The following DIP2C variants were observed in gnomAD, a reference collection of about 807,000 sequenced individuals.
DIP2C encodes disco-interacting protein 2 homolog C.
A neutral mutation model predicts 192.4 loss-of-function variants in DIP2C; 33 were observed. The ratio of observed to expected loss-of-function variants is 0.17; its 90% CI spans 0.13 to 0.23. The LOEUF is 0.23. Ranked by LOEUF, DIP2C falls within the 10% of genes least tolerant of loss-of-function variation. DIP2C has a pLI of 1.00. For missense variants in DIP2C, 1,537 were observed against 2,110.1 expected (o/e 0.73, Z 5.32); for synonymous variants, 979 against 864.1 (o/e 1.13, Z -2.33).
intron 10 of DIP2C, among the ~76,000 whole-genome samples, chr10:393,975 G>A (rs1179233140): frequency 1.3e-5 from 2 of 152,192 alleles, no homozygotes; most frequent in Non-Finnish European, 2.9e-5. Flanking sequence ...ATGCAAATTA[G>A]CACAGCCATT....
chr10:552,251 A>C (rs1015453602), intron 1 of DIP2C, among the ~76,000 whole-genome samples: 2 of 152,212 alleles, frequency 1.3e-5, no homozygotes, highest in African/African-American at 4.8e-5. Context: ...GTAGCAAGAC[A>C]TTTTCTATAA....
intron 1 of DIP2C, among the ~76,000 whole-genome samples, chr10:576,985 T>C (rs1482039795): frequency 6.6e-6 from 1 of 152,198 alleles, no homozygotes; most frequent in Non-Finnish European, 1.5e-5. Context: ...TTACTTAAAA[T>C]ATAAAATTCA....
chr10:495,503 A>C (rs1235403941), intron 1 of DIP2C, among the ~76,000 whole-genome samples: 1 of 151,862 alleles, frequency 6.6e-6, no homozygotes, highest in Non-Finnish European at 1.5e-5. Context: ...CTCCCTAAAA[A>C]CTATAGGTTT....
Position 417,884 on chromosome 10 carries a change from G to A in DIP2C, c.739+1181C>T, listed in dbSNP as rs868651946. Among the ~76,000 whole-genome samples the A allele has an allele frequency of 6.1e-4, 50 of 82,438 alleles. 3 individuals carry two copies. The highest frequency in any genetic ancestry group is 7.5e-3 in the Middle Eastern group (1 of 134). The allele number at this position is 82,438 out of a possible 152,430, so 54.1% of individuals were successfully genotyped here. On this transcript the variant is annotated intron_variant, in intron 6 of 36. Coordinates refer to ENST00000280886, the MANE Select transcript of DIP2C (RefSeq NM_014974.3). ...CTCGGACAGGCCTCCCTGTCCACCT[G>A]CACCTGTCAGGGCTCGGATAGGCCT...
chr10:290,771 A>G (rs549267895), intron 32 of DIP2C, among the ~76,000 whole-genome samples: 1 of 152,248 alleles, frequency 6.6e-6, no homozygotes, highest in Non-Finnish European at 1.5e-5. Context: ...CCAGGTGACC[A>G]GCCAAGGAGT....
At chr10:280,092 T>A (rs1954733522) in intron 36 of DIP2C, among the ~76,000 whole-genome samples, 1 of 152,008 alleles carries the variant, frequency 6.6e-6, no homozygotes, top group Admixed American at 6.6e-5. Context: ...AGGAGAGAAG[T>A]GTCAAGGAAA....
At chr10:520,139 G>A (rs1846603376) in intron 1 of DIP2C, among the ~76,000 whole-genome samples, 1 of 152,224 alleles carries the variant, frequency 6.6e-6, no homozygotes, top group Non-Finnish European at 1.5e-5. Flanking sequence ...AGAAGGTCGT[G>A]TGAAGTCTCA....
chr10:364,849 A>G (rs1227535909), intron 19 of DIP2C: 10 of 639,384 alleles, frequency 1.6e-5, no homozygotes, highest in African/African-American at 5.5e-5. Flanking sequence ...CCCTGAACAG[A>G]TAACACCCAG....
At chr10:534,074 G>T (rs768423219) in intron 1 of DIP2C, among the ~76,000 whole-genome samples, 12 of 151,814 alleles carry the variant, frequency 7.9e-5, no homozygotes, top group Non-Finnish European at 1.8e-4. Context: ...CAGTGACGAT[G>T]GTCAACTGGG....
At chr10:500,083 C>T (rs1027018590) in intron 1 of DIP2C, among the ~76,000 whole-genome samples, 11 of 152,206 alleles carry the variant, frequency 7.2e-5, no homozygotes, top group Non-Finnish European at 8.8e-5. Flanking sequence ...CCTCAGCAAG[C>T]GCAGACTCCT....
chr10:663,037 T>C lies in DIP2C; in HGVS notation c.85+26457A>G. 3 of 663,164 alleles carry C rather than the reference T, an allele frequency of 4.5e-6. 1 individual carries two copies. The South Asian group carries it at 5.3e-5, about 12-fold the overall frequency. 41.1% of individuals were successfully genotyped at this position (663,164 alleles called of 1,614,324 possible). Reference sequence around the variant, plus strand: ...TGTCCAGGAAAGACTCTAAACACTCTGGACCCTGCTGGGGCAGATGGTGAC... The same window carrying C: ...TGTCCAGGAAAGACTCTAAACACTCCGGACCCTGCTGGGGCAGATGGTGAC... On this transcript the variant is annotated intron_variant, in intron 1 of 36. Transcript: ENST00000280886.
At chr10:574,137 CCAGT>C (rs1237954046) in intron 1 of DIP2C, among the ~76,000 whole-genome samples, 5 of 152,326 alleles carry the variant, frequency 3.3e-5, no homozygotes, top group South Asian at 2.1e-4. Flanking sequence ...GACTACACGG[CCAGT>C]AAGTTTAAAG....
At chr10:293,624 T>A (rs1270476994) in intron 32 of DIP2C, among the ~76,000 whole-genome samples, 2 of 152,210 alleles carry the variant, frequency 1.3e-5, no homozygotes, top group Admixed American at 6.5e-5. Flanking sequence ...GCAGCTAAGG[T>A]ACACAGAGGA....
chr10:279,521 G>T (rs544982959), intron 36 of DIP2C, among the ~76,000 whole-genome samples: 1 of 152,326 alleles, frequency 6.6e-6, no homozygotes, highest in African/African-American at 2.4e-5. Context: ...TTAATGCTGA[G>T]AACAACTGAT....
chr10:557,761 A>C (rs1168871258), intron 1 of DIP2C, among the ~76,000 whole-genome samples: 3 of 34,434 alleles, frequency 8.7e-5, no homozygotes, highest in Non-Finnish European at 9.6e-5. Context: ...GGGAAGGGGG[A>C]GGGGGAGGAT....
intron 1 of DIP2C, among the ~76,000 whole-genome samples, chr10:531,737 G>A (rs12261940): frequency 0.25 from 37,391 of 151,872 alleles, 6,273 homozygotes; most frequent in African/African-American, 0.48. Context: ...ACGCTCTGCC[G>A]CGGGACCATG....
At chr10:518,941 T>C (rs1003142878) in intron 1 of DIP2C, among the ~76,000 whole-genome samples, 28 of 152,356 alleles carry the variant, frequency 1.8e-4, no homozygotes, top group African/African-American at 6.5e-4. Flanking sequence ...CCCACTTCCA[T>C]GGTGGCCGTG....
chr10:674,772 A>ATG, intron 1 of DIP2C, among the ~76,000 whole-genome samples: 1 of 5,360 alleles, frequency 1.9e-4, no homozygotes, highest in African/African-American at 5.0e-4. Flanking sequence ...TCCATCTCAA[A>ATG]TATATATATA....
At chr10:429,660 T>C (rs2133208171) in intron 4 of DIP2C, among the ~76,000 whole-genome samples, 1 of 151,482 alleles carries the variant, frequency 6.6e-6, no homozygotes, top group Non-Finnish European at 1.5e-5. Flanking sequence ...AGATTGCATA[T>C]TGCTAAGTGA....
Sources: allele counts gnomAD v4.1 joint callset (sites outside exome capture counted in the v4.1 genomes callset), GRCh38; gene constraint gnomAD v4.1.1; transcripts MANE v1.5; gene names NCBI Gene and HGNC (gene_info 2026-07-23, HGNC 2026-07-21).